SNX25: variants seen among roughly 807,000 people sequenced by gnomAD.
SNX25 encodes the protein sorting nexin-25.
SNX25 carries 62 observed loss-of-function variants against 113.7 expected under a neutral mutation model. The observed-to-expected ratio is 0.55, with a 90% CI of 0.44 to 0.67. SNX25 has a LOEUF of 0.67. Ranked by LOEUF, SNX25 falls within the 30% of genes least tolerant of loss-of-function variation. The pLI is 0.00. For missense variants in SNX25, 1,014 were observed against 1,161.0 expected, an observed-to-expected ratio of 0.87 and a Z score of 1.84; for synonymous variants, 421 against 436.2, an observed-to-expected ratio of 0.97 and a Z score of 0.43.
At chr4:185,281,622 T>G (rs1405042299) in intron 5 of SNX25, among the ~76,000 whole-genome samples, 2 of 152,212 alleles carry the variant, frequency 1.3e-5, no homozygotes, top group Non-Finnish European at 2.9e-5. Context: ...TCAGCTTAGC[T>G]GGCTAAAAGC....
intron 12 of SNX25, 78 bp downstream of exon 12, chr4:185,342,194 T>C: frequency 7.1e-7 from 1 of 1,403,568 alleles, no homozygotes; most frequent in African/African-American, 1.5e-5. Flanking sequence ...AGAAAGCTGA[T>C]TAATCTTCTT....
intron 1 of SNX25, among the ~76,000 whole-genome samples, chr4:185,243,462 A>G (rs55713655): frequency 0.029 from 4,363 of 152,132 alleles, 96 homozygotes; most frequent in Middle Eastern, 0.068. Context: ...AACTTAAAAC[A>G]TAGCGGGACA....
chr4:185,216,969 G>C (rs1351169006), intron 1 of SNX25, among the ~76,000 whole-genome samples: 1 of 152,204 alleles, frequency 6.6e-6, no homozygotes, highest in Non-Finnish European at 1.5e-5. Context: ...ACTCATAGGA[G>C]CTAGGATTAG....
At position 185,335,362 on chromosome 4, in the gene SNX25, AAAAC is replaced by A. The variant is rs1276159448; in HGVS notation, c.1914+2607_1914+2610del. On this transcript the variant is annotated intron_variant, in intron 10 of 18. Transcript: ENST00000652585. ...CACACACACACACACACACACAACA[AAAAC>A]AAAAAACCTTAAGATTGATGTTGAA... 2.6e-5 allele frequency among the ~76,000 whole-genome samples: 4 copies of A among 151,390 alleles called. No homozygotes were observed. The East Asian group carries it at 5.8e-4, about 22-fold the overall frequency.
chr4:185,276,661 C>T (rs1446108154), intron 5 of SNX25, among the ~76,000 whole-genome samples: 1 of 152,056 alleles, frequency 6.6e-6, no homozygotes, highest in Non-Finnish European at 1.5e-5. Flanking sequence ...CATAGTGAGA[C>T]CTTGTCTCTT....
chr4:185,239,210 G>T (rs536471954), intron 1 of SNX25, among the ~76,000 whole-genome samples: 1 of 152,084 alleles, frequency 6.6e-6, no homozygotes, highest in Non-Finnish European at 1.5e-5. Flanking sequence ...TGCCAGGCGC[G>T]GTGGCTCACA....
At chr4:185,280,314 C>T (rs576189199) in intron 5 of SNX25, among the ~76,000 whole-genome samples, 1 of 152,152 alleles carries the variant, frequency 6.6e-6, no homozygotes, top group African/African-American at 2.4e-5. Context: ...CAGTGGAATA[C>T]CATATATTGG....
intron 3 of SNX25, among the ~76,000 whole-genome samples, chr4:185,262,174 C>T (rs1322418900): frequency 1.3e-5 from 2 of 152,200 alleles, no homozygotes; most frequent in African/African-American, 4.8e-5. Context: ...TAAAACAACA[C>T]GTCCTTTAGT....
chr4:185,247,338 G>T lies in SNX25; in HGVS notation c.474G>T (p.Arg158Ser), dbSNP rs1745005982. Residue 158 changes from arginine to serine, a missense_variant, in exon 2 of 19, where the codon AGG (arginine) becomes AGT (serine). Physicochemically the swap from Arg to Ser is moderately radical, Grantham distance 110. Transcript: ENST00000652585. ...GNSHESAQSR[R>S]VVISHNMDKA... ...CACATGAGTCAGCTCAGTCTAGAAGGGTAGTAATTTCTCATAATATGGATA... is the reference window on the plus strand; with the variant it reads ...CACATGAGTCAGCTCAGTCTAGAAGTGTAGTAATTTCTCATAATATGGATA... 1 of 1,611,052 alleles carries T rather than the reference G, an allele frequency of 6.2e-7. No homozygotes were observed. Among genetic ancestry groups the T allele is most frequent in the South Asian group, 1.1e-5 (1 of 90,884 alleles).
intron 12 of SNX25, among the ~76,000 whole-genome samples, chr4:185,344,737 A>G (rs2095276841): frequency 6.6e-6 from 1 of 152,198 alleles, no homozygotes; most frequent in Non-Finnish European, 1.5e-5. Flanking sequence ...CTCTTCTATG[A>G]ATGAAATGTG....
chr4:185,263,060 T>A (rs1277686645), intron 3 of SNX25, among the ~76,000 whole-genome samples: 2 of 152,216 alleles, frequency 1.3e-5, no homozygotes, highest in African/African-American at 4.8e-5. Context: ...CCTCTGGCCT[T>A]TGGCTCAGTC....
chr4:185,212,489 G>GTGTGTGTGTGTTTT (rs1560889937), intron 1 of SNX25, among the ~76,000 whole-genome samples: 1 of 43,358 alleles, frequency 2.3e-5, no homozygotes, highest in African/African-American at 8.4e-5. Context: ...GTGTGTGTGT[G>GTGTGTGTGTGTTTT]TGTTTTTTTT....
intron 9 of SNX25, among the ~76,000 whole-genome samples, chr4:185,326,336 A>G (rs145568890): frequency 6.6e-6 from 1 of 152,280 alleles, no homozygotes; most frequent in East Asian, 1.9e-4. Flanking sequence ...TGTTTCCTCT[A>G]TTCTGATGTC....
intron 9 of SNX25, among the ~76,000 whole-genome samples, chr4:185,329,999 G>A (rs1441910294): frequency 1.3e-5 from 2 of 152,110 alleles, no homozygotes; most frequent in Non-Finnish European, 2.9e-5. Context: ...CACCCATCCT[G>A]GGTATCAGCA....
chr4:185,271,141 C>G (rs984088042), intron 5 of SNX25, among the ~76,000 whole-genome samples: 2 of 152,174 alleles, frequency 1.3e-5, no homozygotes, highest in African/African-American at 4.8e-5. Context: ...CTTTTGTGCA[C>G]TATTCCTGTT....
chr4:185,361,646 G>C lies in SNX25; in HGVS notation c.2652-278G>C, dbSNP rs563299660. 2.0e-5 allele frequency among the ~76,000 whole-genome samples: 3 copies of C among 152,220 alleles called. No homozygotes were observed. The East Asian group carries it at 5.8e-4, about 29-fold the overall frequency. On this transcript the variant is annotated intron_variant, in intron 16 of 18. Coordinates refer to ENST00000652585, the MANE Select transcript of SNX25 (RefSeq NM_001378034.2). The stretch of plus-strand genomic sequence containing the variant: ...CCAGCTGCTCGGGAAGCTGAGGCAG[G>C]AGAATCACTTGAACCTGGGAGGCAG...
At chr4:185,275,331 C>T (rs1227630809) in intron 5 of SNX25, among the ~76,000 whole-genome samples, 1 of 152,032 alleles carries the variant, frequency 6.6e-6, no homozygotes. Flanking sequence ...GATTATTTAG[C>T]TTGGAGAAGA....
At chr4:185,315,194 C>T (rs1295587007) in intron 7 of SNX25, among the ~76,000 whole-genome samples, 3 of 150,222 alleles carry the variant, frequency 2.0e-5, no homozygotes, top group Admixed American at 2.0e-4. Flanking sequence ...TGCCACTGCA[C>T]TCCAGCCTCA....
At chr4:185,359,053 A>T (rs955786504) in intron 16 of SNX25, among the ~76,000 whole-genome samples, 16 of 152,172 alleles carry the variant, frequency 1.1e-4, no homozygotes, top group African/African-American at 3.4e-4. Context: ...TTAAGATTTT[A>T]AAAAAAGAGT....
Sources: allele counts gnomAD v4.1 joint callset (sites outside exome capture counted in the v4.1 genomes callset), GRCh38; gene constraint gnomAD v4.1.1; transcripts MANE v1.5; gene names NCBI Gene and HGNC (gene_info 2026-07-23, HGNC 2026-07-21).